Variants in PAX6 observed in about 807,000 individuals in gnomAD.
The protein encoded by PAX6 is paired box 6, also known as paired box protein Pax-6.
In PAX6, 7 loss-of-function variants were observed where a neutral mutation model predicts 60.7. That is an observed-to-expected ratio of 0.12 (90% CI 0.07 to 0.22). PAX6 has a LOEUF of 0.22. Ranked by LOEUF, PAX6 falls within the 10% of genes least tolerant of loss-of-function variation. PAX6 has a pLI of 1.00. For missense variants in PAX6, 355 were observed against 555.2 expected (o/e 0.64, Z 3.62); for synonymous variants, 208 against 201.2 (o/e 1.03, Z -0.29).
At chr11:31,811,720 G>C (rs2135420071), upstream of PAX6, 1 of 153,286 alleles carries the variant, frequency 6.5e-6, no homozygotes, top group South Asian at 2.1e-4. Context: ...GGACAGCGTG[G>C]CCTGCCGCCC....
intron 9 of PAX6, 35 bp from the exon 10 acceptor site, chr11:31,794,149 G>C: frequency 7.2e-7 from 1 of 1,387,530 alleles, no homozygotes; most frequent in South Asian, 1.2e-5. Context: ...TATTGTGCCA[G>C]AACTACACAA....
chr11:31,794,467 C>G (rs1160695281), intron 9 of PAX6, 163 bp downstream of exon 9: 3 of 361,214 alleles, frequency 8.3e-6, no homozygotes, highest in Admixed American at 3.4e-5. Flanking sequence ...CACACACACA[C>G]ACACACACAC....
At chr11:31,801,050 T>C (rs1953668544) in intron 7 of PAX6, 194 bp from the exon 8 acceptor site, 2 of 767,794 alleles carry the variant, frequency 2.6e-6, no homozygotes, top group East Asian at 5.4e-5. Flanking sequence ...GGAAATTTAG[T>C]TGGATAGAGA....
chr11:31,811,776 C>T (rs1006179266), upstream of PAX6: 2 of 150,766 alleles, frequency 1.3e-5, no homozygotes, highest in Non-Finnish European at 2.9e-5. Flanking sequence ...CCCCAAGACA[C>T]AGAGCACAGC....
intron 8 of PAX6, among the ~76,000 whole-genome samples, chr11:31,796,846 C>G (rs1398418586): frequency 6.6e-6 from 1 of 152,126 alleles, no homozygotes; most frequent in Non-Finnish European, 1.5e-5. Context: ...CATCTGGACT[C>G]TGGGTCTTTG....
chr11:31,802,291 C>T (rs935120743), intron 5 of PAX6: 10 of 315,596 alleles, frequency 3.2e-5, no homozygotes, highest in Admixed American at 2.4e-4. Context: ...TATTCATAAA[C>T]ATGAAGAATA....
chr11:31,802,671 G>C, intron 5 of PAX6, 33 bp downstream of exon 5: 1 of 1,600,752 alleles, frequency 6.2e-7, no homozygotes, highest in African/African-American at 1.3e-5. Context: ...AGGGCCGCGG[G>C]GGCGGCGAGT....
chr11:31,794,346 C>T, intron 9 of PAX6: 1 of 606,332 alleles, frequency 1.6e-6, no homozygotes, highest in Non-Finnish European at 2.9e-6. Context: ...GCCAAATCAT[C>T]ATTTTTCCTT....
chr11:31,815,432 A>C (rs529484603), upstream of PAX6, among the ~76,000 whole-genome samples: 1 of 152,064 alleles, frequency 6.6e-6, no homozygotes, highest in East Asian at 1.9e-4. Flanking sequence ...CCTATTCTAA[A>C]GGCCAACGAC....
At chr11:31,808,278 G>A (rs182818037) in intron 2 of PAX6, 2 of 152,322 alleles carry the variant, frequency 1.3e-5, no homozygotes, top group Admixed American at 1.3e-4. Context: ...CTACTTGGTA[G>A]ACAGCTTAAA....
chr11:31,815,733 C>CA (rs1318346975), upstream of PAX6, among the ~76,000 whole-genome samples: 1 of 135,686 alleles, frequency 7.4e-6, no homozygotes, highest in East Asian at 2.2e-4. Context: ...AGCCAGGGAT[C>CA]AAAAGCCGGG....
At position 31,802,669 on chromosome 11, in the gene PAX6, G is replaced by GGGGGCGGCGAGT. The variant is rs756750240; in HGVS notation, c.141+23_141+34dup. 157 of 1,598,832 alleles carry GGGGGCGGCGAGT rather than the reference G, an allele frequency of 9.8e-5. No individual in the cohort carries two copies. In the East Asian group the frequency reaches 2.5e-3, roughly 26 times the overall value. On this transcript the variant is annotated intron_variant, in intron 5 of 13. Transcript: ENST00000640368. ...GAGGGCGTTGAGAGTGGAGGGCCGC[G>GGGGGCGGCGAGT]GGGGCGGCGAGTGGGGCGGCGCCGG... is the stretch of plus-strand genomic sequence containing the variant.
intron 8 of PAX6, 28 bp downstream of exon 8, chr11:31,800,663 G>T: frequency 6.2e-7 from 1 of 1,613,280 alleles, no homozygotes; most frequent in South Asian, 1.1e-5. Flanking sequence ...CATATGGAGA[G>T]CTGCGTGGAT....
chr11:31,806,771 T>C, intron 3 of PAX6, 78 bp downstream of exon 3: 1 of 293,580 alleles, frequency 3.4e-6, no homozygotes, highest in Non-Finnish European at 6.3e-6. Context: ...ATCTGAACTA[T>C]AGTGAAGAAG....
upstream of PAX6, chr11:31,812,298 C>CTGTGTGTGTGTGTGTGTGTGTGTG (rs1262685102): frequency 9.6e-6 from 1 of 104,556 alleles, no homozygotes; most frequent in African/African-American, 4.2e-5. Context: ...TTCTCTCTCT[C>CTGTGTGTGTGTGTGTGTGTGTGTG]TCTCTGTGTG....
At position 31,789,545 on chromosome 11, in the gene PAX6, G is replaced by A. The variant is rs1424540247; in HGVS notation, c.*389C>T. On this transcript the variant is annotated 3_prime_UTR_variant, in exon 14 of 14. Coordinates refer to ENST00000640368, the MANE Select transcript of PAX6 (RefSeq NM_001368894.2). ...ATATCTTGATAAAACTCTTAAATTC[G>A]TGGCAAAGCTTGTTGATCATGGTTT... 1.2e-5 allele frequency: 7 copies of A among 595,782 alleles called. No individual in the cohort carries two copies. Among genetic ancestry groups the A allele is most frequent in the African/African-American group, 3.8e-5 (2 of 52,950 alleles). The allele number at this position is 595,782 out of a possible 1,614,324, so 36.9% of individuals were successfully genotyped here.
intron 1 of PAX6, chr11:31,816,718 G>A (rs1161070058): frequency 1.4e-6 from 1 of 691,956 alleles, no homozygotes; most frequent in Non-Finnish European, 2.6e-6. Flanking sequence ...ACCGCTCGGA[G>A]TCGGGCGGAG....
chr11:31,806,647 T>C (rs974642171), intron 3 of PAX6, 185 bp from the exon 4 acceptor site: 3 of 572,976 alleles, frequency 5.2e-6, no homozygotes, highest in African/African-American at 3.8e-5. Flanking sequence ...AAATCTACCC[T>C]TTGGGGCTTG....
rs1954697161 is a variant in PAX6, at chr11:31,803,225, C to T, written c.11-391G>A. ...CCATAACCCCAGCAGTGTCCCCAGCCCACTGCCCCTCTTCATAAACACTGC... is the reference window on the plus strand; with the variant it reads ...CCATAACCCCAGCAGTGTCCCCAGCTCACTGCCCCTCTTCATAAACACTGC... On this transcript the variant is annotated intron_variant, in intron 4 of 13. Transcript: ENST00000640368. 3 of 260,978 alleles carry T rather than the reference C, an allele frequency of 1.1e-5. No homozygotes were observed. In the South Asian group the frequency reaches 1.4e-4, roughly 12 times the overall value. The allele number at this position is 260,978 out of a possible 1,614,324, so 16.2% of individuals were successfully genotyped here.
Sources: gnomAD v4.1 joint callset for allele counts (sites outside exome capture counted in the v4.1 genomes callset) on GRCh38, gnomAD v4.1.1 for gene constraint, MANE v1.5 for transcripts, NCBI Gene and HGNC (gene_info 2026-07-23, HGNC 2026-07-21) for gene names.